The following FGF12 variants were observed in gnomAD, a reference collection of about 807,000 sequenced individuals.
FGF12 encodes fibroblast growth factor 12.
FGF12 carries 14 observed loss-of-function variants against 23.6 expected under a neutral mutation model. That is an observed-to-expected ratio of 0.59 (90% CI 0.39 to 0.93). The LOEUF (loss-of-function observed/expected upper bound fraction) is 0.93, where lower values mean the gene tolerates loss of function less well. FGF12 is among the 40% of genes least tolerant of loss of function. The probability of loss-of-function intolerance (pLI) is 0.00; values close to 1 mark genes in which losing one functional copy is unlikely to be tolerated. For synonymous variants in FGF12, 62 were observed against 77.3 expected (o/e 0.80, Z 1.04); for missense variants, 175 against 217.8 (o/e 0.80, Z 1.24).
At chr3:192,410,181 C>T (rs1721151919) in intron 2 of FGF12, among the ~76,000 whole-genome samples, 1 of 152,192 alleles carries the variant, frequency 6.6e-6, no homozygotes, top group Non-Finnish European at 1.5e-5. Flanking sequence ...GGCCGGGCCC[C>T]TGGAGCGCTG....
intron 2 of FGF12, among the ~76,000 whole-genome samples, chr3:192,392,827 T>C (rs546722996): frequency 6.6e-6 from 1 of 152,354 alleles, no homozygotes; most frequent in East Asian, 1.9e-4. Flanking sequence ...TAATTGAAGA[T>C]GTAAATGAAT....
chr3:192,664,041 A>G (rs1015012142), intron 2 of FGF12, among the ~76,000 whole-genome samples: 11 of 152,204 alleles, frequency 7.2e-5, no homozygotes, highest in African/African-American at 2.2e-4. Flanking sequence ...GCTGATTGTG[A>G]GTGTATGGAT....
At chr3:192,638,592 G>C (rs905827383) in intron 2 of FGF12, among the ~76,000 whole-genome samples, 1 of 152,194 alleles carries the variant, frequency 6.6e-6, no homozygotes, top group Non-Finnish European at 1.5e-5. Flanking sequence ...GCAAATACTA[G>C]AGGAAATAAT....
chr3:192,307,594 A>G (rs1444253144), intron 4 of FGF12, among the ~76,000 whole-genome samples: 1 of 152,210 alleles, frequency 6.6e-6, no homozygotes, highest in East Asian at 1.9e-4. Context: ...TTTAAAACAA[A>G]CCAAACAACA....
intron 2 of FGF12, among the ~76,000 whole-genome samples, chr3:192,560,801 T>C (rs1218157137): frequency 6.6e-6 from 1 of 151,840 alleles, no homozygotes; most frequent in Non-Finnish European, 1.5e-5. Context: ...GAGGAAGAAA[T>C]AAAACCTGTC....
At chr3:192,626,210 T>C (rs1290369095) in intron 2 of FGF12, among the ~76,000 whole-genome samples, 1 of 152,194 alleles carries the variant, frequency 6.6e-6, no homozygotes, top group Non-Finnish European at 1.5e-5. Flanking sequence ...CAATGTATCA[T>C]CTCAATCTTT....
At chr3:192,671,654 A>G (rs767404575) in intron 2 of FGF12, among the ~76,000 whole-genome samples, 4 of 152,162 alleles carry the variant, frequency 2.6e-5, no homozygotes, top group African/African-American at 4.8e-5. Flanking sequence ...TTCTGTAAAG[A>G]TCACGTACAA....
At chr3:192,623,248 AG>A (rs1224319439) in intron 2 of FGF12, among the ~76,000 whole-genome samples, 5 of 152,342 alleles carry the variant, frequency 3.3e-5, no homozygotes, top group South Asian at 2.1e-4. Flanking sequence ...AAGAGCACAG[AG>A]GGGGGTATCA....
At chr3:192,174,049 C>T (rs147353602) in intron 4 of FGF12, among the ~76,000 whole-genome samples, 53 of 152,348 alleles carry the variant, frequency 3.5e-4, no homozygotes, top group African/African-American at 1.2e-3. Context: ...CAATGCCACA[C>T]ATTGCTTTCC....
At chr3:192,321,237 T>C (rs1716517640) in intron 4 of FGF12, among the ~76,000 whole-genome samples, 1 of 151,978 alleles carries the variant, frequency 6.6e-6, no homozygotes, top group South Asian at 2.1e-4. Flanking sequence ...ACATACAGCA[T>C]ACCATGATTG....
chr3:192,558,878 T>C (rs1290323893), intron 2 of FGF12, among the ~76,000 whole-genome samples: 1 of 151,886 alleles, frequency 6.6e-6, no homozygotes, highest in Non-Finnish European at 1.5e-5. Context: ...ACAAATAGTG[T>C]TGGGAAAATG....
intron 4 of FGF12, among the ~76,000 whole-genome samples, chr3:192,173,716 G>A (rs937047327): frequency 1.3e-5 from 2 of 151,878 alleles, no homozygotes; most frequent in African/African-American, 4.8e-5. Context: ...GAAAGTTCAA[G>A]CAATACATTC....
At chr3:192,495,519 T>C (rs1434247121) in intron 2 of FGF12, among the ~76,000 whole-genome samples, 3 of 152,208 alleles carry the variant, frequency 2.0e-5, no homozygotes, top group Non-Finnish European at 4.4e-5. Context: ...TTAGACCTAC[T>C]TGATCTTTAC....
At chr3:192,430,071 T>C (rs1721815448) in intron 2 of FGF12, among the ~76,000 whole-genome samples, 1 of 152,174 alleles carries the variant, frequency 6.6e-6, no homozygotes, top group African/African-American at 2.4e-5. Flanking sequence ...TTCTCTTTGC[T>C]TGCATATGTT....
intron 2 of FGF12, among the ~76,000 whole-genome samples, chr3:192,421,469 A>G (rs562792563): frequency 2.0e-5 from 3 of 152,154 alleles, no homozygotes; most frequent in African/African-American, 7.2e-5. Flanking sequence ...AAAGATTGTC[A>G]GCATGGAACA....
At position 192,409,755 on chromosome 3, in the gene FGF12, C is replaced by A. The variant is rs1160748446; in HGVS notation, c.14-49217G>T. ...GGGCCCCTAGGCCTCCTGGGGCTAC[C>A]TCGCGAGGCAGCCGAGGGCGCAACC... is the stretch of plus-strand genomic sequence containing the variant. On this transcript the variant is annotated intron_variant, in intron 2 of 5. Transcript: ENST00000445105. The surrounding 1 kb of genome is among the most constrained non-coding windows in gnomAD (Gnocchi z 4.8). 6.6e-6 allele frequency among the ~76,000 whole-genome samples: 1 copy of A among 152,136 alleles called. No homozygotes were observed. Among genetic ancestry groups the A allele is most frequent in the African/African-American group, 2.4e-5 (1 of 41,462 alleles).
At chr3:192,220,578 C>T (rs780493897) in intron 4 of FGF12, among the ~76,000 whole-genome samples, 4 of 151,886 alleles carry the variant, frequency 2.6e-5, no homozygotes, top group Non-Finnish European at 5.9e-5. Context: ...GTTTTTATTC[C>T]GCCTCTCATA....
chr3:192,432,018 C>T (rs1302676408), intron 2 of FGF12, among the ~76,000 whole-genome samples: 1 of 152,256 alleles, frequency 6.6e-6, no homozygotes, highest in East Asian at 1.9e-4. Context: ...CCAGGCATTC[C>T]ATCACCGTTC....
At chr3:192,415,731 C>CA (rs1417417423) in intron 2 of FGF12, among the ~76,000 whole-genome samples, 173 of 71,546 alleles carry the variant, frequency 2.4e-3, no homozygotes, top group African/African-American at 7.4e-3. Context: ...CTCTCTCTCT[C>CA]TCACACACAC....
Sources: allele counts gnomAD v4.1 joint callset (sites outside exome capture counted in the v4.1 genomes callset), GRCh38; gene constraint gnomAD v4.1.1; non-coding constraint Gnocchi (gnomAD v3.1); transcripts MANE v1.5; gene names NCBI Gene and HGNC (gene_info 2026-07-23, HGNC 2026-07-21).